Variants in SLC27A6 observed in about 807,000 individuals in gnomAD.
SLC27A6 encodes long-chain fatty acid transport protein 6.
Under a neutral mutation model 63.9 loss-of-function variants are expected in SLC27A6, and 74 were observed. That is an observed-to-expected ratio of 1.16 (90% CI 0.96 to 1.40). SLC27A6 has a LOEUF of 1.40. Ranked by LOEUF, SLC27A6 falls within the 40% of genes most tolerant of loss-of-function variation. The probability of loss-of-function intolerance (pLI) is 0.00; values close to 1 mark genes in which losing one functional copy is unlikely to be tolerated. For missense variants in SLC27A6, 794 were observed against 732.9 expected (o/e 1.08, Z -0.96); for synonymous variants, 287 against 260.8 (o/e 1.10, Z -0.97).
At chr5:129,014,820 GCAGGCTTGGATTT>G (rs1751838650) in intron 4 of SLC27A6, among the ~76,000 whole-genome samples, 1 of 152,128 alleles carries the variant, frequency 6.6e-6, no homozygotes, top group Non-Finnish European at 1.5e-5. Flanking sequence ...GTGCTAACCT[GCAGGCTTGGATTT>G]CAGCCTTATC....
chr5:129,006,610 A>G (rs1314717166), intron 4 of SLC27A6, among the ~76,000 whole-genome samples: 2 of 152,146 alleles, frequency 1.3e-5, no homozygotes, highest in African/African-American at 4.8e-5. Context: ...TTCCATGCTC[A>G]TAATTTGAAT....
At chr5:128,988,975 G>A (rs540749327) in intron 3 of SLC27A6, among the ~76,000 whole-genome samples, 255 of 152,286 alleles carry the variant, frequency 1.7e-3, no homozygotes, top group Middle Eastern at 3.4e-3. Context: ...ATTTGGCCAT[G>A]TGGTCGGAGC....
At chr5:129,023,473 AG>A in intron 5 of SLC27A6, 146 bp from the exon 6 acceptor site, 1 of 505,884 alleles carries the variant, frequency 2.0e-6, no homozygotes. Context: ...ATTTGTCTTC[AG>A]TAAAAGTTGT....
chr5:128,966,416 C>G lies in SLC27A6; in HGVS notation c.279C>G (p.Ala93=). The change falls in exon 1 of 10, where the codon GCC becomes GCG. Residue 93 remains alanine, a synonymous_variant. Coordinates refer to ENST00000262462, the MANE Select transcript of SLC27A6 (RefSeq NM_001017372.3). ...QDVDKRSSRV[A]HVFLNHSSLK... is the part of the protein sequence containing the mutation. The stretch of plus-strand genomic sequence containing the variant: ...TAGACAAAAGGAGCAGCAGAGTGGC[C>G]CATGTCTTCCTGAACCATTCCTCTC... 2 of 1,608,980 alleles carry G rather than the reference C, an allele frequency of 1.2e-6. No homozygotes were observed. Among genetic ancestry groups the G allele is most frequent in the Non-Finnish European group, 1.7e-6 (2 of 1,177,660 alleles).
intron 4 of SLC27A6, among the ~76,000 whole-genome samples, chr5:128,997,664 C>T (rs1017389714): frequency 3.3e-5 from 5 of 152,132 alleles, no homozygotes; most frequent in Non-Finnish European, 5.9e-5. Context: ...ACATCTTTTT[C>T]TATCTGTCCT....
intron 1 of SLC27A6, among the ~76,000 whole-genome samples, chr5:128,971,139 C>A (rs1290891682): frequency 1.3e-5 from 2 of 152,118 alleles, no homozygotes; most frequent in Non-Finnish European, 2.9e-5. Flanking sequence ...GCTACAATTT[C>A]TTTTCTTTTA....
intron 1 of SLC27A6, among the ~76,000 whole-genome samples, chr5:128,970,519 T>C (rs894084616): frequency 1.6e-4 from 25 of 152,158 alleles, no homozygotes; most frequent in African/African-American, 6.0e-4. Flanking sequence ...TTATCCATTT[T>C]TTCTAGATTT....
chr5:129,004,627 C>T (rs1390953839), intron 4 of SLC27A6, among the ~76,000 whole-genome samples: 1 of 152,124 alleles, frequency 6.6e-6, no homozygotes, highest in African/African-American at 2.4e-5. Flanking sequence ...AATCTCATAT[C>T]TCAAGAAGAA....
At chr5:128,967,889 C>T (rs958421363) in intron 1 of SLC27A6, among the ~76,000 whole-genome samples, 10 of 151,966 alleles carry the variant, frequency 6.6e-5, no homozygotes, top group African/African-American at 7.3e-5. Flanking sequence ...TTAGGTATTC[C>T]TCCTAATGCT....
intron 4 of SLC27A6, among the ~76,000 whole-genome samples, chr5:128,997,338 T>C (rs746591587): frequency 6.6e-6 from 1 of 152,176 alleles, no homozygotes; most frequent in Non-Finnish European, 1.5e-5. Flanking sequence ...GTTGAGAAAG[T>C]AATCTCTCTT....
At chr5:128,990,568 C>A (rs1036319053) in intron 4 of SLC27A6, 104 bp downstream of exon 4, 1 of 1,212,988 alleles carries the variant, frequency 8.2e-7, no homozygotes, top group Non-Finnish European at 1.1e-6. Context: ...TTGTTACTGG[C>A]GGGTCTTTGT....
At position 129,030,586 on chromosome 5, in the gene SLC27A6, T is replaced by C. The variant is rs577105423; in HGVS notation, c.1683+879T>C. ...TTTGAGTTTTTACATTGTCTCAGATTATTTTAACAACAACCCTCTGAAACA... is the reference window on the plus strand; with the variant it reads ...TTTGAGTTTTTACATTGTCTCAGATCATTTTAACAACAACCCTCTGAAACA... On this transcript the variant is annotated intron_variant, in intron 9 of 9. Transcript: ENST00000262462. Among the ~76,000 whole-genome samples the C allele has an allele frequency of 2.0e-5, 3 of 152,160 alleles. No individual in the cohort carries two copies. In the East Asian group the frequency reaches 5.8e-4, roughly 29 times the overall value.
In SLC27A6 at chr5:129,033,098, C is replaced by G; in HGVS notation, c.1684-8C>G. 1 of 1,596,952 alleles carries G rather than the reference C, an allele frequency of 6.3e-7. No homozygotes were observed. Among genetic ancestry groups the G allele is most frequent in the Non-Finnish European group, 8.5e-7 (1 of 1,170,400 alleles). ...ATGATTCTACTCATCCTGGTAATTG[C>G]TTTACAGGAAAAAATGGAAGCAACA... On this transcript the variant is annotated splice_polypyrimidine_tract_variant and splice_region_variant and intron_variant, in intron 9 of 9. Coordinates refer to ENST00000262462, the MANE Select transcript of SLC27A6 (RefSeq NM_001017372.3).
In SLC27A6 at chr5:129,006,071, G is replaced by GTTTT. The variant is rs4068575; in HGVS notation, c.970-9792_970-9789dup. On this transcript the variant is annotated intron_variant, in intron 4 of 9. Coordinates refer to ENST00000262462, the MANE Select transcript of SLC27A6 (RefSeq NM_001017372.3). ...TAAAATTTTCATTCCTGTGCACACTGTTTTTTTTTTTTTTTTTTTTTTTTT... is the reference window on the plus strand; with the variant it reads ...TAAAATTTTCATTCCTGTGCACACTGTTTTTTTTTTTTTTTTTTTTTTTTTTTTT... Among the ~76,000 whole-genome samples the GTTTT allele has an allele frequency of 1.5e-3, 88 of 60,134 alleles. 10 individuals are homozygous for GTTTT. The highest frequency in any genetic ancestry group is 4.9e-3 in the East Asian group (3 of 614). The allele number at this position is 60,134 out of a possible 152,430, so 39.5% of individuals were successfully genotyped here.
chr5:128,988,765 C>A lies in SLC27A6; in HGVS notation c.844+7C>A, dbSNP rs1397661254. 2 of 1,590,010 alleles carry A rather than the reference C, an allele frequency of 1.3e-6. No individual in the cohort carries two copies. The highest frequency in any genetic ancestry group is 1.7e-6 in the Non-Finnish European group (2 of 1,171,608). The stretch of plus-strand genomic sequence containing the variant: ...TCTGGATGTGTTGAGTTGGGTAAGG[C>A]TTTATTTTCTTTTTGATAAGTTTTC... On this transcript the variant is annotated splice_region_variant and intron_variant, in intron 3 of 9. Coordinates refer to ENST00000262462, the MANE Select transcript of SLC27A6 (RefSeq NM_001017372.3).
chr5:129,009,843 T>A (rs887468278), intron 4 of SLC27A6, among the ~76,000 whole-genome samples: 2 of 152,130 alleles, frequency 1.3e-5, no homozygotes, highest in African/African-American at 4.8e-5. Flanking sequence ...CCTGGCTAAT[T>A]TTTTGTATTT....
chr5:129,021,884 G>A (rs914660729), intron 5 of SLC27A6, among the ~76,000 whole-genome samples: 1 of 152,160 alleles, frequency 6.6e-6, no homozygotes. Context: ...GTAATTTGCT[G>A]TGGAATGAAT....
In SLC27A6 at chr5:129,027,238, A is replaced by C. The variant is rs892529206; in HGVS notation, c.1361A>C (p.Lys454Thr). 1 of 1,613,468 alleles carries C rather than the reference A, an allele frequency of 6.2e-7. No homozygotes were observed. The highest frequency in any genetic ancestry group is 8.5e-7 in the Non-Finnish European group (1 of 1,179,512). The stretch of plus-strand genomic sequence containing the variant: ...GACAAATTGCTTTGTGATGTTTTTA[A>C]GAAGGGAGATGTTTACCTTAATACT... ...TKDKLLCDVF[K>T]KGDVYLNTGD... The change falls in exon 7 of 10, where the codon AAG (lysine) becomes ACG (threonine). Residue 454 changes from lysine (K) to threonine (T), a missense_variant. Lys to Thr is a moderately conservative substitution (Grantham distance 78, BLOSUM62 -1). Coordinates refer to ENST00000262462, the MANE Select transcript of SLC27A6 (RefSeq NM_001017372.3).
At position 128,966,008 on chromosome 5, in the gene SLC27A6, A is replaced by C. The variant is rs531051442; in HGVS notation, c.-130A>C. 13 of 1,117,416 alleles carry C rather than the reference A, an allele frequency of 1.2e-5. No individual in the cohort carries two copies. In the African/African-American group the frequency reaches 2.0e-4, roughly 17 times the overall value. 69.2% of individuals were successfully genotyped at this position (1,117,416 alleles called of 1,614,324 possible). ...CTCCCCATCCCGCTTCGCCCCGGAAAAGCTGACAAGAACTTCAGGTGTAAG... is the reference window on the plus strand; with the variant it reads ...CTCCCCATCCCGCTTCGCCCCGGAACAGCTGACAAGAACTTCAGGTGTAAG... On this transcript the variant is annotated 5_prime_UTR_variant, in exon 1 of 10. Transcript: ENST00000262462.
Sources: gnomAD v4.1 joint callset for allele counts (sites outside exome capture counted in the v4.1 genomes callset) on GRCh38, gnomAD v4.1.1 for gene constraint, MANE v1.5 for transcripts, NCBI Gene and HGNC (gene_info 2026-07-23, HGNC 2026-07-21) for gene names.